The following NUP85 variants were observed in gnomAD, a reference collection of about 807,000 sequenced individuals.
NUP85 encodes the protein nucleoporin 85.
In NUP85, 23 loss-of-function variants were observed where a neutral mutation model predicts 92.8. The ratio of observed to expected loss-of-function variants is 0.25; its 90% CI spans 0.18 to 0.35. NUP85 has a LOEUF of 0.35. Ranked by LOEUF, NUP85 falls within the 10% of genes least tolerant of loss-of-function variation. The pLI, the probability that NUP85 is intolerant of heterozygous loss-of-function variation, is 1.00. For synonymous variants in NUP85, 314 were observed against 306.9 expected (o/e 1.02, Z -0.24); for missense variants, 759 against 822.8 (o/e 0.92, Z 0.95).
chr17:75,213,307 T>C (rs140330021), intron 5 of NUP85, among the ~76,000 whole-genome samples, 188 bp downstream of exon 5: 38 of 152,066 alleles, frequency 2.5e-4, no homozygotes, highest in African/African-American at 8.7e-4. Context: ...GCTTGTTAAA[T>C]ACTTGAGTGA....
intron 3 of NUP85, 81 bp from the exon 4 acceptor site, chr17:75,211,911 G>T: frequency 9.1e-7 from 1 of 1,100,354 alleles, no homozygotes; most frequent in Non-Finnish European, 1.4e-6. Context: ...GCAAATTTCT[G>T]CATTTATTTG....
At chr17:75,228,948 G>T in intron 11 of NUP85, 1 of 985,424 alleles carries the variant, frequency 1.0e-6, no homozygotes, top group African/African-American at 1.7e-5. Context: ...TAGCTGAAAG[G>T]AGATGGCAGG....
chr17:75,226,335 T>G (rs2075794041), intron 11 of NUP85, among the ~76,000 whole-genome samples, 178 bp downstream of exon 11: 1 of 152,116 alleles, frequency 6.6e-6, no homozygotes. Flanking sequence ...AGAAAAAGAT[T>G]ATTTTCTCAC....
intron 1 of NUP85, chr17:75,208,271 A>G: frequency 2.6e-6 from 1 of 377,880 alleles, no homozygotes; most frequent in African/African-American, 2.4e-5. Context: ...CTCTATCTCT[A>G]CTAAAAATGA....
Position 75,231,309 on chromosome 17 carries a change from T to C in NUP85, c.1095-31T>C. On this transcript the variant is annotated intron_variant, in intron 11 of 18. Transcript: ENST00000245544. The surrounding 1 kb of genome is among the most constrained non-coding windows in gnomAD (Gnocchi z 4.6). ...GTGGGACGCGGCCTGTGCCCTGATT[T>C]TCCTTCTTGCCTTGGTGTCTGAATC... 6.2e-7 allele frequency: 1 copy of C among 1,613,258 alleles called. No individual in the cohort carries two copies. Among genetic ancestry groups the C allele is most frequent in the Admixed American group, 1.7e-5 (1 of 60,022 alleles).
At chr17:75,233,033 C>T (rs1324098069) in intron 15 of NUP85, 25 bp from the exon 16 acceptor site, 6 of 1,613,724 alleles carry the variant, frequency 3.7e-6, no homozygotes, top group Non-Finnish European at 5.1e-6. Context: ...GACTGCTGCT[C>T]TGATCTCTGG....
At chr17:75,205,951 G>A (rs1381715621) in intron 1 of NUP85, among the ~76,000 whole-genome samples, 157 bp downstream of exon 1, 1 of 151,796 alleles carries the variant, frequency 6.6e-6, no homozygotes, top group Non-Finnish European at 1.5e-5. Context: ...TGTTAACGAG[G>A]TGCCCGCCCT....
intron 18 of NUP85, 68 bp downstream of exon 18, chr17:75,235,269 C>A: frequency 8.6e-7 from 1 of 1,159,860 alleles, no homozygotes; most frequent in Non-Finnish European, 1.3e-6. Context: ...TCTCAGGCTT[C>A]CCCTTCCCTC....
In NUP85 at chr17:75,209,998, C is replaced by T. The variant is rs369099229; in HGVS notation, c.290+13C>T. 46 of 1,589,330 alleles carry T rather than the reference C, an allele frequency of 2.9e-5. No individual in the cohort carries two copies. The highest frequency in any genetic ancestry group is 2.8e-4 in the Admixed American group (14 of 50,884). On this transcript the variant is annotated intron_variant, in intron 3 of 18. Transcript: ENST00000245544. ...CCAGAAAATCTCAGTAAGTTGGTTG[C>T]TGTTTGGTGTTGAAGCCCACACTAC...
chr17:75,209,738 G>C (rs534855702), intron 2 of NUP85, 85 bp from the exon 3 acceptor site: 1 of 1,178,450 alleles, frequency 8.5e-7, no homozygotes, highest in Non-Finnish European at 1.1e-6. Context: ...CACCATGCCC[G>C]GCCACAGAAA....
At chr17:75,215,941 A>G (rs1022408888) in intron 6 of NUP85, 118 bp downstream of exon 6, 2 of 916,404 alleles carry the variant, frequency 2.2e-6, no homozygotes, top group Non-Finnish European at 3.4e-6. Flanking sequence ...TCTTTCCATC[A>G]TTATAACCAC....
intron 11 of NUP85, chr17:75,228,627 G>A: frequency 5.1e-6 from 5 of 985,456 alleles, no homozygotes; most frequent in Non-Finnish European, 6.0e-6. Context: ...ACAGTTCTGG[G>A]CGGCAGGGAA....
At chr17:75,228,629 G>C in intron 11 of NUP85, 4 of 985,446 alleles carry the variant, frequency 4.1e-6, no homozygotes, top group Non-Finnish European at 4.8e-6. Flanking sequence ...AGTTCTGGGC[G>C]GCAGGGAAGT....
chr17:75,214,228 A>C (rs1024864994), intron 5 of NUP85, among the ~76,000 whole-genome samples: 1 of 152,118 alleles, frequency 6.6e-6, no homozygotes, highest in African/African-American at 2.4e-5. Context: ...TCCTCAGTAG[A>C]TGCTTCATAT....
chr17:75,215,596 C>CA (rs1744266643), intron 5 of NUP85, among the ~76,000 whole-genome samples, 158 bp from the exon 6 acceptor site: 1 of 152,256 alleles, frequency 6.6e-6, no homozygotes, highest in South Asian at 2.1e-4. Flanking sequence ...CTAACATCCT[C>CA]ACGCTGGCTC....
intron 2 of NUP85, 62 bp downstream of exon 2, chr17:75,208,682 A>G: frequency 1.1e-6 from 1 of 892,516 alleles, no homozygotes; most frequent in Non-Finnish European, 1.9e-6. Flanking sequence ...TCTGTTTATT[A>G]CCTCAGATTT....
In NUP85 at chr17:75,235,455, A is replaced by T. The variant is rs2076296170; in HGVS notation, c.1870-123A>T. ...TTTGGTATTGCTTTCTTTTACATCG[A>T]TAATTTGCTGGAAGCTACTATGAAT... On this transcript the variant is annotated intron_variant, in intron 18 of 18. Transcript: ENST00000245544. 7.3e-6 allele frequency: 5 copies of T among 684,302 alleles called. No homozygotes were observed. The East Asian group carries it at 1.3e-4, about 18-fold the overall frequency. 42.4% of individuals were successfully genotyped at this position (684,302 alleles called of 1,614,324 possible). A position where few individuals can be genotyped will look rare whatever the true frequency, so the allele number is the denominator to read the frequency against.
rs374077496 is a variant in NUP85 at position 75,231,383 on chromosome 17, C to G, written c.1138C>G (p.Leu380Val). 6.2e-7 allele frequency: 1 copy of G among 1,614,210 alleles called. No homozygotes were observed. The highest frequency in any genetic ancestry group is 1.3e-5 in the African/African-American group (1 of 75,044). ...GTGGTTTGTGGCCCACCTGACAGAC[C>G]TGCTGGACCACTGCAAGCTCCTCCA... ...NWWFVAHLTD[L>V]LDHCKLLQSH... Residue 380 changes from leucine (L) to valine (V), a missense_variant, in exon 12 of 19, where the codon CTG becomes GTG. By Grantham distance (32) the Leu-to-Val change is conservative (BLOSUM62 1). Transcript: ENST00000245544. The surrounding 1 kb of genome is among the most constrained non-coding windows in gnomAD (Gnocchi z 4.6).
rs748820312 is a variant in NUP85 at position 75,205,734 on chromosome 17, G to A, written c.-28G>A. 3 of 1,613,998 alleles carry A rather than the reference G, an allele frequency of 1.9e-6. No homozygotes were observed. In the African/African-American group the frequency reaches 4.0e-5, roughly 22 times the overall value. On this transcript the variant is annotated 5_prime_UTR_variant, in exon 1 of 19. Transcript: ENST00000245544. Reference sequence around the variant, plus strand: ...GAGCGGGAAGCATTGGCGTCCGAGCGACTTCTAGGAGCCTGGGGTTCGGCG... The same window carrying A: ...GAGCGGGAAGCATTGGCGTCCGAGCAACTTCTAGGAGCCTGGGGTTCGGCG...
Sources: gnomAD v4.1 joint callset for allele counts (sites outside exome capture counted in the v4.1 genomes callset) on GRCh38, gnomAD v4.1.1 for gene constraint, Gnocchi (gnomAD v3.1) non-coding constraint, MANE v1.5 for transcripts, NCBI Gene and HGNC (gene_info 2026-07-23, HGNC 2026-07-21) for gene names.